STXBP4: variants seen among roughly 807,000 people sequenced by gnomAD.
STXBP4 encodes syntaxin binding protein 4.
Under a neutral mutation model 76.1 loss-of-function variants are expected in STXBP4, and 55 were observed. That is an observed-to-expected ratio of 0.72 (90% CI 0.58 to 0.91). The LOEUF (loss-of-function observed/expected upper bound fraction) is 0.91. Among genes scored for constraint, STXBP4 ranks in the 40% least tolerant of loss-of-function variants. The pLI is 0.00. For missense variants in STXBP4, 618 were observed against 636.9 expected (o/e 0.97, Z 0.32); for synonymous variants, 201 against 220.2 (o/e 0.91, Z 0.77).
intron 8 of STXBP4, among the ~76,000 whole-genome samples, chr17:55,016,678 A>T (rs2078213375): frequency 6.6e-6 from 1 of 152,180 alleles, no homozygotes; most frequent in African/African-American, 2.4e-5. Flanking sequence ...TCCTGAAGGG[A>T]GTTCCTCCTA....
intron 17 of STXBP4, among the ~76,000 whole-genome samples, chr17:55,145,369 A>C (rs1418997298): frequency 1.3e-5 from 2 of 152,186 alleles, no homozygotes; most frequent in Non-Finnish European, 2.9e-5. Context: ...ATAGTGACTG[A>C]AATCACCCTC....
chr17:55,057,252 T>C (rs2078937085), intron 12 of STXBP4, among the ~76,000 whole-genome samples: 1 of 152,306 alleles, frequency 6.6e-6, no homozygotes, highest in South Asian at 2.1e-4. Flanking sequence ...GTACAGAAAA[T>C]CTTCGTAAAT....
At chr17:55,024,723 A>G (rs2078381336) in intron 8 of STXBP4, among the ~76,000 whole-genome samples, 1 of 152,214 alleles carries the variant, frequency 6.6e-6, no homozygotes, top group Non-Finnish European at 1.5e-5. Context: ...CAATAAAAGA[A>G]CTGATAAATC....
intron 12 of STXBP4, among the ~76,000 whole-genome samples, chr17:55,050,285 A>AATT (rs1433131925): frequency 2.6e-5 from 4 of 152,116 alleles, no homozygotes; most frequent in Non-Finnish European, 4.4e-5. Context: ...GAGAAACCAA[A>AATT]ATTATATAGA....
intron 16 of STXBP4, among the ~76,000 whole-genome samples, chr17:55,123,890 C>T (rs1446803211): frequency 6.6e-6 from 1 of 151,176 alleles, no homozygotes; most frequent in Non-Finnish European, 1.5e-5. Flanking sequence ...CAAAGCAAGA[C>T]TCAGTCTCAA....
At chr17:55,112,509 T>C (rs1169004533) in intron 16 of STXBP4, among the ~76,000 whole-genome samples, 1 of 152,026 alleles carries the variant, frequency 6.6e-6, no homozygotes, top group Non-Finnish European at 1.5e-5. Context: ...TGATGAAGAG[T>C]AAAAATGACA....
At chr17:55,200,836 C>T in the STXBP4 span, among the ~76,000 whole-genome samples, 1 of 152,192 alleles carries the variant, frequency 6.6e-6, no homozygotes, top group African/African-American at 2.4e-5. Flanking sequence ...TAACAATTAA[C>T]AAACATAGTG....
chr17:55,016,565 A>T (rs574366117), intron 8 of STXBP4, among the ~76,000 whole-genome samples: 1 of 152,314 alleles, frequency 6.6e-6, no homozygotes, highest in South Asian at 2.1e-4. Flanking sequence ...GAGACCAATT[A>T]TTAGGCAATT....
At chr17:54,989,928 A>T (rs551195826) in intron 3 of STXBP4, among the ~76,000 whole-genome samples, 3 of 152,364 alleles carry the variant, frequency 2.0e-5, no homozygotes, top group African/African-American at 7.2e-5. Context: ...AATGGAAGTC[A>T]TATTTACTTT....
the STXBP4 span, among the ~76,000 whole-genome samples, chr17:55,195,218 C>A: frequency 1.3e-5 from 2 of 151,918 alleles, no homozygotes; most frequent in Non-Finnish European, 2.9e-5. Context: ...GCAGAAGGAA[C>A]GCCTAGATGG....
chr17:55,205,805 A>G, the STXBP4 span, among the ~76,000 whole-genome samples: 2 of 152,166 alleles, frequency 1.3e-5, no homozygotes, highest in African/African-American at 2.4e-5. Flanking sequence ...TACAAATCTT[A>G]TGGAAAGCTA....
intron 12 of STXBP4, 56 bp downstream of exon 12, chr17:55,047,210 G>T (rs2078802542): frequency 9.4e-7 from 1 of 1,058,612 alleles, no homozygotes; most frequent in South Asian, 1.5e-5. Flanking sequence ...GTGTGTGTGT[G>T]TGTGTGTGAA....
chr17:54,995,193 A>G (rs958532933), intron 4 of STXBP4, among the ~76,000 whole-genome samples: 7 of 152,168 alleles, frequency 4.6e-5, no homozygotes, highest in Non-Finnish European at 8.8e-5. Context: ...ACGGTCCCGT[A>G]GTCATTTTCT....
intron 8 of STXBP4, among the ~76,000 whole-genome samples, chr17:55,011,508 C>CTTTTTTTT (rs3080154): frequency 0.13 from 10,950 of 85,204 alleles, 1,763 homozygotes; most frequent in African/African-American, 0.25. Context: ...TTTTCTTTTT[C>CTTTTTTTT]TTTTTTTTTT....
downstream of STXBP4, among the ~76,000 whole-genome samples, chr17:55,176,376 G>T (rs1266359281): frequency 6.6e-6 from 1 of 152,186 alleles, no homozygotes; most frequent in East Asian, 1.9e-4. Flanking sequence ...AGGTGAGAGA[G>T]CCTCCTGAGT....
intron 11 of STXBP4, chr17:55,043,532 C>A: frequency 8.2e-7 from 1 of 1,225,144 alleles, no homozygotes; most frequent in Non-Finnish European, 1.2e-6. Flanking sequence ...AATATCTGTG[C>A]AACATTTAGT....
chr17:55,046,622 A>T (rs1260308432), intron 11 of STXBP4, among the ~76,000 whole-genome samples: 1 of 151,964 alleles, frequency 6.6e-6, no homozygotes, highest in African/African-American at 2.4e-5. Flanking sequence ...TGTTTACATT[A>T]GTCATATATG....
At chr17:55,136,972 G>A (rs983610328) in intron 16 of STXBP4, among the ~76,000 whole-genome samples, 3 of 152,004 alleles carry the variant, frequency 2.0e-5, no homozygotes, top group Admixed American at 2.0e-4. Context: ...GTCTCCTTTC[G>A]TATATCATTG....
chr17:55,055,118 T>C (rs2078907750), intron 12 of STXBP4, among the ~76,000 whole-genome samples: 1 of 152,184 alleles, frequency 6.6e-6, no homozygotes, highest in African/African-American at 2.4e-5. Context: ...GAATCTAATT[T>C]TGAATACTAG....
Sources: allele counts gnomAD v4.1 joint callset (sites outside exome capture counted in the v4.1 genomes callset), GRCh38; gene constraint gnomAD v4.1.1; transcripts MANE v1.5; gene names NCBI Gene and HGNC (gene_info 2026-07-23, HGNC 2026-07-21).